Variants in SV2C observed in about 807,000 individuals in gnomAD.
SV2C encodes solute carrier family 22 member B3.
Under a neutral mutation model 79.7 loss-of-function variants are expected in SV2C, and 49 were observed. The observed-to-expected ratio is 0.61, with a 90% CI of 0.49 to 0.78. The LOEUF is 0.78. Among genes scored for constraint, SV2C ranks in the 30% least tolerant of loss-of-function variants. The probability of loss-of-function intolerance (pLI) is 0.00; values close to 1 mark genes in which losing one functional copy is unlikely to be tolerated. For missense variants in SV2C, 833 were observed against 912.9 expected, an observed-to-expected ratio of 0.91 and a Z score of 1.13; for synonymous variants, 334 against 333.2, an observed-to-expected ratio of 1.00 and a Z score of -0.03.
At chr5:76,271,714 G>A (rs183136722) in intron 4 of SV2C, among the ~76,000 whole-genome samples, 2 of 142,906 alleles carry the variant, frequency 1.4e-5, no homozygotes, top group East Asian at 2.2e-4. Flanking sequence ...TGATCTGCCC[G>A]CCTCAGCCTC....
At chr5:75,874,580 A>G in the SV2C span, among the ~76,000 whole-genome samples, 1 of 152,180 alleles carries the variant, frequency 6.6e-6, no homozygotes, top group Non-Finnish European at 1.5e-5. Context: ...GGAAAGAAAT[A>G]AAGCACATCC....
the SV2C span, among the ~76,000 whole-genome samples, chr5:75,943,701 A>G: frequency 6.6e-6 from 1 of 152,146 alleles, no homozygotes; most frequent in Admixed American, 6.6e-5. Flanking sequence ...TTATTGTCCT[A>G]AAATGTGGAA....
chr5:76,268,818 G>C (rs1746749495), intron 4 of SV2C, among the ~76,000 whole-genome samples: 1 of 151,990 alleles, frequency 6.6e-6, no homozygotes, highest in South Asian at 2.1e-4. Flanking sequence ...TTGCTTCCAG[G>C]TGCATAAAAA....
chr5:76,302,630 CAAAAAAAAA>C (rs60732488), intron 12 of SV2C, among the ~76,000 whole-genome samples: 2 of 68,866 alleles, frequency 2.9e-5, no homozygotes, highest in African/African-American at 1.2e-4. Context: ...GACTCCATCT[CAAAAAAAAA>C]AAAAAAAAAA....
the SV2C span, among the ~76,000 whole-genome samples, chr5:76,046,041 G>A: frequency 1.1e-4 from 17 of 152,280 alleles, no homozygotes; most frequent in African/African-American, 3.4e-4. Context: ...TTACTATAGT[G>A]GGAAGAGATA....
chr5:76,174,992 C>G (rs1208558534), intron 2 of SV2C, among the ~76,000 whole-genome samples: 1 of 152,198 alleles, frequency 6.6e-6, no homozygotes, highest in East Asian at 1.9e-4. Context: ...GCCTGGCGGT[C>G]TAACTGACTA....
At chr5:75,911,638 A>T in the SV2C span, 2 of 701,518 alleles carry the variant, frequency 2.9e-6, no homozygotes, top group East Asian at 5.6e-5. Flanking sequence ...AAACATCCAC[A>T]ATCAGAACCC....
At chr5:75,988,662 T>C in the SV2C span, among the ~76,000 whole-genome samples, 1 of 151,922 alleles carries the variant, frequency 6.6e-6, no homozygotes, top group African/African-American at 2.4e-5. Flanking sequence ...GGTGGATCAG[T>C]GCAGACATAA....
At chr5:76,008,967 A>G in the SV2C span, among the ~76,000 whole-genome samples, 2 of 152,030 alleles carry the variant, frequency 1.3e-5, no homozygotes, top group Admixed American at 1.3e-4. Context: ...CTCTGCTTAG[A>G]ACGCTGTCCC....
the SV2C span, chr5:75,910,774 C>T: frequency 1.5e-6 from 2 of 1,350,802 alleles, no homozygotes; most frequent in Non-Finnish European, 2.1e-6. Context: ...TTCTTTATAA[C>T]AGTCATGTTG....
At chr5:75,900,334 G>A in the SV2C span, among the ~76,000 whole-genome samples, 1,016 of 152,234 alleles carry the variant, frequency 6.7e-3, 6 homozygotes, top group African/African-American at 0.023. Flanking sequence ...GCTTAGTTTG[G>A]CTGGATATGA....
chr5:75,974,778 G>T, the SV2C span, among the ~76,000 whole-genome samples: 7 of 152,108 alleles, frequency 4.6e-5, no homozygotes, highest in African/African-American at 1.4e-4. Flanking sequence ...AGCGTATAGG[G>T]TTAAAAATGT....
At chr5:76,053,217 C>T in the SV2C span, among the ~76,000 whole-genome samples, 1 of 151,842 alleles carries the variant, frequency 6.6e-6, no homozygotes, top group South Asian at 2.1e-4. Flanking sequence ...CTTTTTTGTT[C>T]CAAGTGTCAT....
intron 6 of SV2C, 27 bp downstream of exon 6, chr5:76,285,897 A>C: frequency 6.3e-7 from 1 of 1,588,902 alleles, no homozygotes; most frequent in Non-Finnish European, 8.6e-7. Context: ...GAGAATCCTC[A>C]ACACCAGGGA....
chr5:76,325,336 A>G (rs1748956126), intron 12 of SV2C, 28 bp from the exon 13 acceptor site: 2 of 1,611,552 alleles, frequency 1.2e-6, no homozygotes, highest in Non-Finnish European at 1.7e-6. Flanking sequence ...CATTTTCTCA[A>G]CCTTGTTCAT....
At chr5:75,894,126 T>C in the SV2C span, among the ~76,000 whole-genome samples, 1 of 151,982 alleles carries the variant, frequency 6.6e-6, no homozygotes. Flanking sequence ...TACAGACAGA[T>C]TGGAGAGAAG....
intron 4 of SV2C, chr5:76,280,946 G>A (rs1747170336): frequency 3.7e-6 from 2 of 533,866 alleles, no homozygotes. Flanking sequence ...GTCTGAGCCT[G>A]CCAGGATGAC....
At chr5:75,903,113 A>G in the SV2C span, among the ~76,000 whole-genome samples, 1 of 152,224 alleles carries the variant, frequency 6.6e-6, no homozygotes, top group Admixed American at 6.5e-5. Flanking sequence ...ACAGCTATTA[A>G]GGAAGAGAAC....
At chr5:76,096,789 G>A (rs1747577870) in intron 1 of SV2C, among the ~76,000 whole-genome samples, 1 of 152,136 alleles carries the variant, frequency 6.6e-6, no homozygotes, top group Admixed American at 6.6e-5. Context: ...CCAATCTGTT[G>A]AAGGCTTGAA....
Sources: gnomAD v4.1 joint callset for allele counts (sites outside exome capture counted in the v4.1 genomes callset) on GRCh38, gnomAD v4.1.1 for gene constraint, MANE v1.5 for transcripts, NCBI Gene and HGNC (gene_info 2026-07-23, HGNC 2026-07-21) for gene names.